The following AGBL4 variants were observed in gnomAD, a reference collection of about 807,000 sequenced individuals.
AGBL4 encodes the protein cytosolic carboxypeptidase 6.
A neutral mutation model predicts 66.4 loss-of-function variants in AGBL4; 58 were observed. The ratio of observed to expected loss-of-function variants is 0.87; its 90% CI spans 0.71 to 1.09. AGBL4 has a LOEUF of 1.09. AGBL4 is among the 50% of genes least tolerant of loss of function. The probability of loss-of-function intolerance (pLI) is 0.00; values close to 1 mark genes in which losing one functional copy is unlikely to be tolerated. For missense variants in AGBL4, 579 were observed against 631.0 expected (o/e 0.92, Z 0.88); for synonymous variants, 234 against 222.9 (o/e 1.05, Z -0.44).
At chr1:49,007,936 A>G (rs2149000454) in intron 5 of AGBL4, among the ~76,000 whole-genome samples, 1 of 151,888 alleles carries the variant, frequency 6.6e-6, no homozygotes, top group East Asian at 1.9e-4. Context: ...CCAAAATGTA[A>G]AGACCATCAA....
At chr1:49,266,465 C>T (rs1643921252) in intron 3 of AGBL4, among the ~76,000 whole-genome samples, 1 of 151,918 alleles carries the variant, frequency 6.6e-6, no homozygotes, top group South Asian at 2.1e-4. Context: ...TAAATTTTAG[C>T]ACTAATTCAA....
At chr1:49,437,606 GA>G (rs1645930760) in intron 3 of AGBL4, among the ~76,000 whole-genome samples, 2 of 152,138 alleles carry the variant, frequency 1.3e-5, no homozygotes, top group Admixed American at 6.6e-5. Context: ...CACCACCCAG[GA>G]ATATAATTAT....
intron 2 of AGBL4, among the ~76,000 whole-genome samples, chr1:49,778,782 A>C (rs1482752230): frequency 6.6e-6 from 1 of 152,138 alleles, no homozygotes; most frequent in Non-Finnish European, 1.5e-5. Context: ...ATAAAAATGG[A>C]AACTGTACAC....
chr1:48,923,764 G>C (rs1654291086), intron 5 of AGBL4, among the ~76,000 whole-genome samples: 1 of 152,132 alleles, frequency 6.6e-6, no homozygotes, highest in African/African-American at 2.4e-5. Context: ...TAACGAATTT[G>C]CATTTGGCCA....
intron 6 of AGBL4, among the ~76,000 whole-genome samples, chr1:48,832,491 T>G (rs1233776427): frequency 6.6e-6 from 1 of 152,144 alleles, no homozygotes; most frequent in Non-Finnish European, 1.5e-5. Flanking sequence ...AGGTTGTGAG[T>G]ACCTTGAGGT....
chr1:49,497,286 G>A (rs1647687083), intron 3 of AGBL4, among the ~76,000 whole-genome samples: 1 of 151,864 alleles, frequency 6.6e-6, no homozygotes, highest in African/African-American at 2.4e-5. Context: ...AGATGTAAAG[G>A]TTGAAGATAT....
In AGBL4 at chr1:48,755,756, C is replaced by G. The variant is rs187820985; in HGVS notation, c.635-92515G>C. Among the ~76,000 whole-genome samples the G allele has an allele frequency of 3.1e-3, 477 of 152,300 alleles. 2 individuals are homozygous for G. Among genetic ancestry groups the G allele is most frequent in the African/African-American group, 0.01 (425 of 41,552 alleles). On this transcript the variant is annotated intron_variant, in intron 6 of 13. Coordinates refer to ENST00000371839, the MANE Select transcript of AGBL4 (RefSeq NM_032785.4). ...TCTCTCTCCCAGAACTGGCACTCTG[C>G]GTTTTAATAACATGTTTACCTCCAT... is the stretch of plus-strand genomic sequence containing the variant.
At chr1:48,755,467 T>A (rs982745943) in intron 6 of AGBL4, among the ~76,000 whole-genome samples, 1 of 151,970 alleles carries the variant, frequency 6.6e-6, no homozygotes, top group African/African-American at 2.4e-5. Context: ...GGACAAAAAA[T>A]GAAAATACTC....
At chr1:48,548,105 T>C (rs1644193234) in intron 11 of AGBL4, among the ~76,000 whole-genome samples, 1 of 152,162 alleles carries the variant, frequency 6.6e-6, no homozygotes, top group Non-Finnish European at 1.5e-5. Flanking sequence ...CCTCTGTCTT[T>C]ATGGAGTTTA....
At position 48,669,890 on chromosome 1, in the gene AGBL4, C is replaced by T. The variant is rs574103742; in HGVS notation, c.635-6649G>A. Among the ~76,000 whole-genome samples, 13 of 152,292 alleles carry T rather than the reference C, an allele frequency of 8.5e-5. No individual in the cohort carries two copies. The East Asian group carries it at 2.1e-3, about 25-fold the overall frequency. On this transcript the variant is annotated intron_variant, in intron 6 of 13. Transcript: ENST00000371839. ...CAAGATTTATTTTCAGTTCCCGACTCGTTAGCATCCTCCACACCCCCATTC... is the reference window on the plus strand; with the variant it reads ...CAAGATTTATTTTCAGTTCCCGACTTGTTAGCATCCTCCACACCCCCATTC...
At chr1:49,164,961 C>T (rs1224845739) in intron 4 of AGBL4, among the ~76,000 whole-genome samples, 1 of 152,116 alleles carries the variant, frequency 6.6e-6, no homozygotes, top group Non-Finnish European at 1.5e-5. Flanking sequence ...TCCATAGTCT[C>T]TCTACTCCTT....
intron 3 of AGBL4, among the ~76,000 whole-genome samples, chr1:49,616,049 T>C (rs919582984): frequency 6.6e-6 from 1 of 152,178 alleles, no homozygotes; most frequent in Non-Finnish European, 1.5e-5. Flanking sequence ...TCACTGCCTT[T>C]GATCATGCTC....
chr1:48,594,548 C>T (rs771499377), intron 9 of AGBL4, among the ~76,000 whole-genome samples: 6 of 152,022 alleles, frequency 3.9e-5, no homozygotes, highest in Non-Finnish European at 7.4e-5. Context: ...ATGTATTTTT[C>T]ATGTAGAAAT....
intron 5 of AGBL4, among the ~76,000 whole-genome samples, chr1:48,948,432 A>T (rs1053294551): frequency 3.3e-5 from 5 of 152,126 alleles, no homozygotes; most frequent in African/African-American, 1.2e-4. Context: ...GCCGCCTTTC[A>T]CTGATTCATC....
chr1:48,835,120 T>C (rs1432464344), intron 6 of AGBL4, among the ~76,000 whole-genome samples: 1 of 152,140 alleles, frequency 6.6e-6, no homozygotes, highest in African/African-American at 2.4e-5. Flanking sequence ...ACTGGGCTTC[T>C]CAGAAACAAA....
At chr1:49,102,728 T>C (rs550092164) in intron 4 of AGBL4, among the ~76,000 whole-genome samples, 9 of 152,170 alleles carry the variant, frequency 5.9e-5, no homozygotes, top group Non-Finnish European at 8.8e-5. Flanking sequence ...CAGTATAATA[T>C]CCATTGAAAA....
intron 6 of AGBL4, among the ~76,000 whole-genome samples, chr1:48,745,326 A>C (rs1473835899): frequency 6.6e-6 from 1 of 152,184 alleles, no homozygotes; most frequent in Non-Finnish European, 1.5e-5. Context: ...GAGAAGTAGA[A>C]ATCAGGGCTG....
At chr1:49,104,407 TA>T (rs752257551) in intron 4 of AGBL4, among the ~76,000 whole-genome samples, 18 of 152,302 alleles carry the variant, frequency 1.2e-4, no homozygotes, top group Middle Eastern at 3.4e-3. Context: ...CAGGTACAAT[TA>T]TTTTTTTTCA....
intron 2 of AGBL4, among the ~76,000 whole-genome samples, chr1:49,827,018 C>T (rs1308932621): frequency 1.3e-5 from 2 of 151,924 alleles, no homozygotes; most frequent in East Asian, 1.9e-4. Flanking sequence ...TCATAATTAA[C>T]GTTAAAGACA....
Sources: allele counts gnomAD v4.1 joint callset (sites outside exome capture counted in the v4.1 genomes callset), GRCh38; gene constraint gnomAD v4.1.1; transcripts MANE v1.5; gene names NCBI Gene and HGNC (gene_info 2026-07-23, HGNC 2026-07-21).